Variants in SLC3A2 observed in about 807,000 individuals in gnomAD.
SLC3A2 encodes the protein amino acid transporter heavy chain SLC3A2.
In SLC3A2, 32 loss-of-function variants were observed where a neutral mutation model predicts 48.5. The ratio of observed to expected loss-of-function variants is 0.66; its 90% CI spans 0.50 to 0.89. The LOEUF is 0.89. SLC3A2 is among the 40% of genes least tolerant of loss of function. SLC3A2 has a pLI of 0.00. For synonymous variants in SLC3A2, 277 were observed against 288.8 expected, an observed-to-expected ratio of 0.96 and a Z score of 0.41; for missense variants, 587 against 680.7, an observed-to-expected ratio of 0.86 and a Z score of 1.53.
chr11:62,861,439 T>C (rs2085397336), intron 1 of SLC3A2, among the ~76,000 whole-genome samples: 1 of 152,180 alleles, frequency 6.6e-6, no homozygotes, highest in Admixed American at 6.5e-5. Context: ...ATTTTGCTTT[T>C]TGAATAGACA....
At position 62,881,972 on chromosome 11, in the gene SLC3A2, G is replaced by C. The variant is rs770920417; in HGVS notation, c.504G>C (p.Lys168Asn). The C allele has an allele frequency of 1.2e-6, 2 of 1,614,180 alleles. No individual in the cohort carries two copies. Among genetic ancestry groups the C allele is most frequent in the Non-Finnish European group, 1.7e-6 (2 of 1,180,026 alleles). ...LVLGPIHKNQ[K>N]DDVAQTDLLQ... ...TGGGTCCAATTCACAAGAACCAGAAGGATGATGTCGCTCAGACTGACTTGC... is the reference window on the plus strand; with the variant it reads ...TGGGTCCAATTCACAAGAACCAGAACGATGATGTCGCTCAGACTGACTTGC... Residue 168 changes from lysine to asparagine, a missense_variant, in exon 2 of 9, where the codon AAG becomes AAC. This residue lies in a region of SLC3A2 where 409 missense variants were observed against 446.7 expected (regional missense o/e 0.92). Transcript: ENST00000338663. This position sits in a 1 kb window ranked among gnomAD's most constrained non-coding sequence, Gnocchi z 4.0.
chr11:62,859,863 T>A (rs1017906001), intron 1 of SLC3A2, among the ~76,000 whole-genome samples: 2 of 152,070 alleles, frequency 1.3e-5, no homozygotes, highest in Non-Finnish European at 2.9e-5. Flanking sequence ...CCTCCACACC[T>A]GTGGGTATTT....
chr11:62,885,379 A>T (rs1258688812), intron 6 of SLC3A2, 22 bp downstream of exon 6: 44 of 1,613,932 alleles, frequency 2.7e-5, no homozygotes, highest in Non-Finnish European at 3.6e-5. Flanking sequence ...GCTGGTGGGA[A>T]AGGGGGCAGA....
upstream of SLC3A2, among the ~76,000 whole-genome samples, chr11:62,878,318 G>A (rs757641600): frequency 3.9e-5 from 6 of 152,118 alleles, no homozygotes; most frequent in Non-Finnish European, 7.4e-5. Flanking sequence ...ACAGGGTCTC[G>A]CTCTGTCTCC....
At chr11:62,871,561 T>C (rs1397266953) in intron 1 of SLC3A2, 4 of 633,220 alleles carry the variant, frequency 6.3e-6, no homozygotes, top group Middle Eastern at 4.1e-4. Flanking sequence ...AATATTATTA[T>C]TATTATTATT....
Position 62,884,668 on chromosome 11 carries a change from A to T in SLC3A2, c.796A>T (p.Thr266Ser), listed in dbSNP as rs1241611172. The T allele has an allele frequency of 6.2e-7, 1 of 1,607,798 alleles. No homozygotes were observed. Among genetic ancestry groups the T allele is most frequent in the Non-Finnish European group, 8.5e-7 (1 of 1,175,844 alleles). The change falls in exon 5 of 9, where the codon ACC becomes TCC. Residue 266 changes from threonine to serine, a missense_variant. Transcript: ENST00000338663. ...ATTCTTGGCTGAGTGGCAAAATATC[A>T]CCAAGGGCTTCAGTGAAGACAGGTG... is the stretch of plus-strand genomic sequence containing the variant. Reference protein sequence around the residue: ...SSFLAEWQNITKGFSEDRLLI... With the variant: ...SSFLAEWQNISKGFSEDRLLI...
chr11:62,878,632 ATTTT>A (rs1048433687), upstream of SLC3A2, among the ~76,000 whole-genome samples: 1 of 113,008 alleles, frequency 8.8e-6, no homozygotes, highest in Non-Finnish European at 1.8e-5. Context: ...CGCCTGGCTG[ATTTT>A]TTTTTTTTTT....
chr11:62,877,778 G>A (rs2085585122), upstream of SLC3A2, among the ~76,000 whole-genome samples: 1 of 152,270 alleles, frequency 6.6e-6, no homozygotes, highest in Admixed American at 6.5e-5. Context: ...GAAGGCTGAT[G>A]TGGCTGGAGG....
At chr11:62,882,879 C>G (rs376960728) in intron 2 of SLC3A2, 29 bp from the exon 3 acceptor site, 1 of 1,553,840 alleles carries the variant, frequency 6.4e-7, no homozygotes, top group South Asian at 1.1e-5. Context: ...TAGACTGTCT[C>G]ATGATTGCGT....
intron 1 of SLC3A2, among the ~76,000 whole-genome samples, chr11:62,865,262 A>C (rs2085440790): frequency 1.3e-5 from 2 of 152,072 alleles, no homozygotes; most frequent in Admixed American, 1.3e-4. Context: ...TGGATGTGAA[A>C]GTTGTTTCAG....
intron 1 of SLC3A2, among the ~76,000 whole-genome samples, chr11:62,866,469 C>T (rs1048266038): frequency 3.9e-5 from 6 of 151,938 alleles, no homozygotes; most frequent in Non-Finnish European, 8.8e-5. Context: ...GATCTTGGCT[C>T]ACTGTAAACT....
At chr11:62,867,996 A>G (rs2085471665) in intron 1 of SLC3A2, among the ~76,000 whole-genome samples, 1 of 151,846 alleles carries the variant, frequency 6.6e-6, no homozygotes. Flanking sequence ...ATCTTGGCTC[A>G]CTGCAACCTC....
chr11:62,876,600 T>C (rs1174451484), upstream of SLC3A2, among the ~76,000 whole-genome samples: 2 of 151,348 alleles, frequency 1.3e-5, no homozygotes, highest in African/African-American at 4.8e-5. Flanking sequence ...TTTATTATTA[T>C]ATTTTATATT....
At chr11:62,869,192 C>A (rs1203447891) in intron 1 of SLC3A2, among the ~76,000 whole-genome samples, 2 of 151,994 alleles carry the variant, frequency 1.3e-5, no homozygotes, top group African/African-American at 4.8e-5. Flanking sequence ...AGACACCACG[C>A]CTGGCCTGAA....
At chr11:62,868,680 C>T (rs1452633658) in intron 1 of SLC3A2, among the ~76,000 whole-genome samples, 1 of 151,976 alleles carries the variant, frequency 6.6e-6, no homozygotes, top group Non-Finnish European at 1.5e-5. Flanking sequence ...TATTTTCATT[C>T]TATAGGCGGT....
chr11:62,882,693 G>A (rs144767367), intron 2 of SLC3A2: 4 of 520,626 alleles, frequency 7.7e-6, no homozygotes, highest in East Asian at 3.3e-5. Flanking sequence ...CATGTTGACC[G>A]GTCTGGTTTT....
At chr11:62,879,951 G>A (rs2085611503), upstream of SLC3A2, among the ~76,000 whole-genome samples, 1 of 152,224 alleles carries the variant, frequency 6.6e-6, no homozygotes, top group Non-Finnish European at 1.5e-5. Flanking sequence ...GTGATAGGGA[G>A]ACAGGACCTT....
In SLC3A2 at chr11:62,888,147, C is replaced by G. The variant is rs749635287; in HGVS notation, c.1156C>G (p.Pro386Ala). ...CTCTGCTTTTCAGCCTATGGAGGCTCCAGTCATGCTGTGGGATGAGTCCAG... is the reference window on the plus strand; with the variant it reads ...CTCTGCTTTTCAGCCTATGGAGGCTGCAGTCATGCTGTGGGATGAGTCCAG... ...AALPGQPMEA[P>A]VMLWDESSFP... Residue 386 changes from proline to alanine, a missense_variant, in exon 8 of 9, where the codon CCA (proline) becomes GCA (alanine). Pro to Ala is a conservative substitution (Grantham distance 27, BLOSUM62 -1). Coordinates refer to ENST00000338663, the MANE Select transcript of SLC3A2 (RefSeq NM_001013251.3). 2.2e-5 allele frequency: 36 copies of G among 1,613,548 alleles called. No individual in the cohort carries two copies. The highest frequency in any genetic ancestry group is 2.9e-5 in the Non-Finnish European group (34 of 1,179,962).
intron 2 of SLC3A2, 126 bp downstream of exon 2, chr11:62,882,192 A>T: frequency 9.2e-7 from 1 of 1,081,828 alleles, no homozygotes; most frequent in South Asian, 1.5e-5. Context: ...TAGAGGGGAG[A>T]TTTGTTAGTC....
Sources: gnomAD v4.1 joint callset for allele counts (sites outside exome capture counted in the v4.1 genomes callset) on GRCh38, gnomAD v4.1.1 for gene constraint, gnomAD v4.1.1 regional missense constraint, Gnocchi (gnomAD v3.1) non-coding constraint, MANE v1.5 for transcripts, NCBI Gene and HGNC (gene_info 2026-07-23, HGNC 2026-07-21) for gene names.